MALRD1: variants seen among roughly 807,000 people sequenced by gnomAD.
MALRD1 encodes the protein MAM and LDL receptor class A domain containing 1, also known as MAM and LDL-receptor class A domain-containing protein 1.
MALRD1 carries 247 observed loss-of-function variants against 242.1 expected under a neutral mutation model. The observed-to-expected ratio is 1.02, with a 90% CI of 0.92 to 1.13. The LOEUF is 1.13. Ranked by LOEUF, MALRD1 falls within the 50% of genes most tolerant of loss-of-function variation. The pLI, the probability that MALRD1 is intolerant of heterozygous loss-of-function variation, is 0.00. For missense variants in MALRD1, 2,989 were observed against 2,533.1 expected (o/e 1.18, Z -3.86); for synonymous variants, 995 against 866.6 (o/e 1.15, Z -2.60).
intron 19 of MALRD1, among the ~76,000 whole-genome samples, chr10:19,259,064 A>G (rs1157159144): frequency 6.6e-6 from 1 of 152,040 alleles, no homozygotes; most frequent in East Asian, 1.9e-4. Context: ...ATCTGCTCCT[A>G]CCCTTGAGAG....
At chr10:19,277,234 T>C (rs996249887) in intron 19 of MALRD1, among the ~76,000 whole-genome samples, 2 of 152,132 alleles carry the variant, frequency 1.3e-5, no homozygotes, top group African/African-American at 4.8e-5. Flanking sequence ...TGAGAAAATA[T>C]TTCTTATCCC....
chr10:19,577,673 G>C (rs1836895524), intron 33 of MALRD1, among the ~76,000 whole-genome samples: 1 of 152,048 alleles, frequency 6.6e-6, no homozygotes, highest in Non-Finnish European at 1.5e-5. Context: ...CCAACACTCT[G>C]TCTTAAAGAT....
chr10:19,179,248 A>G lies in MALRD1; in HGVS notation c.1951+3920A>G, dbSNP rs144934576. Among the ~76,000 whole-genome samples the G allele has an allele frequency of 2.0e-4, 30 of 152,334 alleles. 1 individual carries two copies. The East Asian group carries it at 5.8e-3, about 29-fold the overall frequency. On this transcript the variant is annotated intron_variant, in intron 14 of 39. Transcript: ENST00000454679. ...AGAGGAAGTGGAAAATTACTAATCA[A>G]CAGGCATACATTTTCAGTCAAACAA...
intron 31 of MALRD1, among the ~76,000 whole-genome samples, chr10:19,516,943 A>G (rs1162974480): frequency 6.6e-6 from 1 of 152,286 alleles, no homozygotes; most frequent in South Asian, 2.1e-4. Context: ...CCAAGAAAGA[A>G]CGGCATAGCT....
chr10:19,294,038 A>T (rs1018659027), intron 21 of MALRD1, among the ~76,000 whole-genome samples: 1 of 152,192 alleles, frequency 6.6e-6, no homozygotes, highest in African/African-American at 2.4e-5. Flanking sequence ...TGTACAAGGT[A>T]AAGTTTTAAG....
intron 18 of MALRD1, among the ~76,000 whole-genome samples, chr10:19,243,611 A>G (rs1347320310): frequency 2.6e-5 from 4 of 152,130 alleles, no homozygotes; most frequent in Non-Finnish European, 5.9e-5. Flanking sequence ...CAATGTGAGA[A>G]TAACCTTTGA....
At chr10:19,701,793 C>T (rs572187091) in intron 38 of MALRD1, among the ~76,000 whole-genome samples, 3 of 143,216 alleles carry the variant, frequency 2.1e-5, no homozygotes, top group Admixed American at 7.2e-5. Context: ...CCCTTTTCCT[C>T]CTTCTTCTTT....
intron 28 of MALRD1, among the ~76,000 whole-genome samples, chr10:19,438,222 G>C (rs935261754): frequency 2.6e-5 from 4 of 151,724 alleles, no homozygotes; most frequent in African/African-American, 9.7e-5. Flanking sequence ...TGGAGTATTT[G>C]TCTTTTCGTC....
chr10:19,476,726 G>A (rs1054285806), intron 29 of MALRD1, among the ~76,000 whole-genome samples: 7 of 152,076 alleles, frequency 4.6e-5, no homozygotes, highest in Non-Finnish European at 7.4e-5. Flanking sequence ...TGTTTACTTT[G>A]GACACCATTC....
intron 8 of MALRD1, among the ~76,000 whole-genome samples, chr10:19,131,219 A>G (rs1833090439): frequency 6.6e-6 from 1 of 152,170 alleles, no homozygotes; most frequent in South Asian, 2.1e-4. Flanking sequence ...GATGATTTAC[A>G]TCTTTCCATG....
chr10:19,581,131 T>C (rs1416601126), intron 33 of MALRD1, among the ~76,000 whole-genome samples: 1 of 152,156 alleles, frequency 6.6e-6, no homozygotes, highest in East Asian at 1.9e-4. Context: ...TAATTCACAA[T>C]AACCTCAAAA....
chr10:19,193,200 A>G (rs1433267086), intron 14 of MALRD1, among the ~76,000 whole-genome samples: 1 of 152,220 alleles, frequency 6.6e-6, no homozygotes. Context: ...TAATTGTAAG[A>G]GGGAATGGGA....
intron 29 of MALRD1, among the ~76,000 whole-genome samples, chr10:19,475,156 C>T (rs1332004883): frequency 6.6e-6 from 1 of 152,234 alleles, no homozygotes; most frequent in Non-Finnish European, 1.5e-5. Context: ...TGGCTCACGC[C>T]TGTAATCCCA....
chr10:19,676,465 C>T (rs1288881913), intron 36 of MALRD1, among the ~76,000 whole-genome samples: 2 of 152,136 alleles, frequency 1.3e-5, no homozygotes, highest in Admixed American at 6.6e-5. Context: ...TTTTAACCTA[C>T]AAGTTTTTTA....
intron 32 of MALRD1, among the ~76,000 whole-genome samples, chr10:19,551,082 T>TC (rs1384271156): frequency 6.6e-6 from 1 of 152,214 alleles, no homozygotes; most frequent in Non-Finnish European, 1.5e-5. Flanking sequence ...AGCTTCTTTT[T>TC]CATATGATTG....
At chr10:19,430,933 GAGTA>G (rs1289683382) in intron 28 of MALRD1, among the ~76,000 whole-genome samples, 12 of 152,234 alleles carry the variant, frequency 7.9e-5, no homozygotes, top group African/African-American at 2.9e-4. Context: ...TATATGAGTT[GAGTA>G]AGTAAGAAAA....
intron 12 of MALRD1, among the ~76,000 whole-genome samples, chr10:19,163,207 T>C (rs1834517883): frequency 7.1e-6 from 1 of 141,130 alleles, no homozygotes; most frequent in Non-Finnish European, 1.5e-5. Flanking sequence ...TGTATGTGAA[T>C]GGTCATTGCA....
intron 29 of MALRD1, among the ~76,000 whole-genome samples, chr10:19,481,812 A>C (rs1490891639): frequency 6.6e-6 from 1 of 152,128 alleles, no homozygotes; most frequent in Non-Finnish European, 1.5e-5. Flanking sequence ...AAAGGTCATC[A>C]ACAATTTATA....
chr10:19,699,577 G>A (rs1019265888), intron 38 of MALRD1, among the ~76,000 whole-genome samples: 1 of 152,082 alleles, frequency 6.6e-6, no homozygotes, highest in African/African-American at 2.4e-5. Flanking sequence ...TTGTTGCATT[G>A]CTACAAAGAC....
Sources: gnomAD v4.1 joint callset for allele counts (sites outside exome capture counted in the v4.1 genomes callset) on GRCh38, gnomAD v4.1.1 for gene constraint, MANE v1.5 for transcripts, NCBI Gene and HGNC (gene_info 2026-07-23, HGNC 2026-07-21) for gene names.